EBF2: variants seen among roughly 807,000 people sequenced by gnomAD.
EBF2 encodes the protein EBF transcription factor 2, also known as transcription factor COE2.
EBF2 carries 21 observed loss-of-function variants against 72.8 expected under a neutral mutation model. That is an observed-to-expected ratio of 0.29 (90% CI 0.20 to 0.42). EBF2 has a LOEUF of 0.42. Ranked by LOEUF, EBF2 falls within the 10% of genes least tolerant of loss-of-function variation. The probability of loss-of-function intolerance (pLI) is 1.00; values close to 1 mark genes in which losing one functional copy is unlikely to be tolerated. For synonymous variants in EBF2, 299 were observed against 274.2 expected (o/e 1.09, Z -0.89); for missense variants, 637 against 731.2 (o/e 0.87, Z 1.49).
chr8:25,954,842 G>A (rs982912898), intron 6 of EBF2, among the ~76,000 whole-genome samples: 11 of 152,218 alleles, frequency 7.2e-5, no homozygotes, highest in African/African-American at 2.2e-4. Flanking sequence ...TGGATACTCA[G>A]TGCACTTTTA....
chr8:26,044,797 C>T lies in EBF2; in HGVS notation c.63G>A (p.Ala21=). Reference sequence around the variant, plus strand: ...CCCAGGACCTGACCGAATCCATCTCCGCGCCCAGCGATTTCTCTTTCAGAG... The same window carrying T: ...CCCAGGACCTGACCGAATCCATCTCTGCGCCCAGCGATTTCTCTTTCAGAG... The part of the protein sequence containing the change: ...GPTLKEKSLG[A]EMDSVRSWVR... The change falls in exon 1 of 16, where the codon GCG becomes GCA. Residue 21 remains alanine, a synonymous_variant. Coordinates refer to ENST00000520164, the MANE Select transcript of EBF2 (RefSeq NM_022659.4). The surrounding 1 kb of genome is among the most constrained non-coding windows in gnomAD (Gnocchi z 4.1). 1.9e-6 allele frequency: 3 copies of T among 1,614,136 alleles called. No homozygotes were observed. Among genetic ancestry groups the T allele is most frequent in the Non-Finnish European group, 2.5e-6 (3 of 1,180,038 alleles).
In EBF2 at chr8:25,983,461, CCTT is replaced by C. The variant is rs10565417; in HGVS notation, c.551+49621_551+49623del. 4.1e-3 allele frequency among the ~76,000 whole-genome samples: 626 copies of C among 152,250 alleles called. 5 individuals carry two copies. Among genetic ancestry groups the C allele is most frequent in the African/African-American group, 0.014 (596 of 41,536 alleles). On this transcript the variant is annotated intron_variant, in intron 6 of 15. Transcript: ENST00000520164. The stretch of plus-strand genomic sequence containing the variant: ...TTTCGTTTTATAATTTAAAAGAAAA[CCTT>C]AAACAGAAGTTCTCTGACTCCAGGC...
Position 26,044,652 on chromosome 8 carries a change from G to A in EBF2, c.131+77C>T. Reference sequence around the variant, plus strand: ...ACAGGGAGAGAGAAAGGCACGGGGTGCGCGGGGGGGGTGCACACGGAGAGA... The same window carrying A: ...ACAGGGAGAGAGAAAGGCACGGGGTACGCGGGGGGGGTGCACACGGAGAGA... On this transcript the variant is annotated intron_variant, in intron 1 of 15. Transcript: ENST00000520164. The surrounding 1 kb of genome is among the most constrained non-coding windows in gnomAD (Gnocchi z 4.1). 3 of 1,533,172 alleles carry A rather than the reference G, an allele frequency of 2.0e-6. No homozygotes were observed. Among genetic ancestry groups the A allele is most frequent in the Non-Finnish European group, 2.6e-6 (3 of 1,138,224 alleles). 95.0% of individuals were successfully genotyped at this position (1,533,172 alleles called of 1,614,324 possible). A position where few individuals can be genotyped will look rare whatever the true frequency, so the allele number is the denominator to read the frequency against.
intron 6 of EBF2, among the ~76,000 whole-genome samples, chr8:25,956,492 G>T (rs1280900832): frequency 6.6e-6 from 1 of 152,084 alleles, no homozygotes; most frequent in Non-Finnish European, 1.5e-5. Flanking sequence ...TTGCAGAGTG[G>T]GAAGTCTGGG....
chr8:25,856,257 C>T (rs931725392), intron 14 of EBF2, among the ~76,000 whole-genome samples: 3 of 152,090 alleles, frequency 2.0e-5, no homozygotes, highest in Admixed American at 1.3e-4. Flanking sequence ...CAACTTCATT[C>T]ATACCTACAT....
In EBF2 at chr8:26,040,627, C is replaced by A; in HGVS notation, c.397G>T (p.Val133Phe). The A allele has an allele frequency of 6.4e-7, 1 of 1,553,344 alleles. No homozygotes were observed. The highest frequency in any genetic ancestry group is 1.2e-5 in the South Asian group (1 of 84,148). The change falls in exon 4 of 16, where the codon GTC becomes TTC. Residue 133 changes from valine (V) to phenylalanine (F), a missense_variant. Physicochemically the swap from Val to Phe is conservative, Grantham distance 50. This residue lies in a region of EBF2 where 204 missense variants were observed against 301.2 expected (regional missense o/e 0.68). Transcript: ENST00000520164. ...GGCCTCCGGCTCACCTGCTTGGTGACCGAGTCGATGAGCCTGACATAGAGG... is the reference window on the plus strand; with the variant it reads ...GGCCTCCGGCTCACCTGCTTGGTGAACGAGTCGATGAGCCTGACATAGAGG... ...QDLYVRLIDS[V>F]TKQPIAYEGQ...
At chr8:25,885,354 T>G (rs1802672242) in intron 10 of EBF2, among the ~76,000 whole-genome samples, 1 of 152,220 alleles carries the variant, frequency 6.6e-6, no homozygotes, top group Non-Finnish European at 1.5e-5. Context: ...CCAGAACTCT[T>G]TTTGTCTTGC....
intron 6 of EBF2, among the ~76,000 whole-genome samples, chr8:26,000,694 C>T (rs183395404): frequency 6.6e-5 from 10 of 152,288 alleles, no homozygotes; most frequent in Non-Finnish European, 1.2e-4. Context: ...CAAGGGATAA[C>T]GCATTAGTTA....
At chr8:25,877,890 C>G (rs1802549059) in intron 10 of EBF2, among the ~76,000 whole-genome samples, 1 of 152,238 alleles carries the variant, frequency 6.6e-6, no homozygotes, top group Admixed American at 6.5e-5. Context: ...AAACTCATTT[C>G]TTTGTTTAAA....
chr8:26,005,808 G>A (rs577110212), intron 6 of EBF2, among the ~76,000 whole-genome samples: 46 of 133,480 alleles, frequency 3.4e-4, no homozygotes, highest in East Asian at 2.8e-3. Flanking sequence ...TCCAGCATGA[G>A]CAACAGAGCA....
At chr8:25,868,631 C>T (rs1802375996) in intron 10 of EBF2, among the ~76,000 whole-genome samples, 1 of 152,086 alleles carries the variant, frequency 6.6e-6, no homozygotes, top group Admixed American at 6.6e-5. Context: ...CAGACATGCA[C>T]CACATGCCTA....
chr8:25,925,972 C>G (rs1246894486), intron 6 of EBF2, among the ~76,000 whole-genome samples: 1 of 152,144 alleles, frequency 6.6e-6, no homozygotes, highest in East Asian at 1.9e-4. Flanking sequence ...CTGATATGTG[C>G]AGGTACCAGC....
At chr8:26,016,958 T>A (rs1805120236) in intron 6 of EBF2, among the ~76,000 whole-genome samples, 1 of 152,122 alleles carries the variant, frequency 6.6e-6, no homozygotes, top group African/African-American at 2.4e-5. Context: ...TTATATTTTT[T>A]AAAAGGCAGA....
intron 7 of EBF2, among the ~76,000 whole-genome samples, chr8:25,898,441 A>G (rs564471537): frequency 6.7e-6 from 1 of 149,634 alleles, no homozygotes; most frequent in Admixed American, 6.6e-5. Flanking sequence ...TGAGAAATCC[A>G]GTGGCAATTA....
At chr8:25,885,614 T>G (rs1011026141) in intron 10 of EBF2, among the ~76,000 whole-genome samples, 2 of 152,180 alleles carry the variant, frequency 1.3e-5, no homozygotes, top group African/African-American at 4.8e-5. Flanking sequence ...GGGAGATAGT[T>G]GAATCATGAG....
At position 26,044,660 on chromosome 8, in the gene EBF2, G is replaced by C. The variant is rs536397868; in HGVS notation, c.131+69C>G. 3.2e-6 allele frequency: 5 copies of C among 1,562,726 alleles called. No individual in the cohort carries two copies. Among genetic ancestry groups the C allele is most frequent in the South Asian group, 2.3e-5 (2 of 85,244 alleles). On this transcript the variant is annotated intron_variant, in intron 1 of 15. Transcript: ENST00000520164. This position sits in a 1 kb window ranked among gnomAD's most constrained non-coding sequence, Gnocchi z 4.1. ...AGAGAAAGGCACGGGGTGCGCGGGG[G>C]GGGTGCACACGGAGAGACAGACCGT...
At chr8:25,940,171 A>G (rs566138803) in intron 6 of EBF2, among the ~76,000 whole-genome samples, 1 of 152,244 alleles carries the variant, frequency 6.6e-6, no homozygotes, top group East Asian at 1.9e-4. Flanking sequence ...AAAAAGAGAT[A>G]CGGGCAGCCC....
chr8:25,982,537 G>A (rs1297967402), intron 6 of EBF2, among the ~76,000 whole-genome samples: 1 of 152,186 alleles, frequency 6.6e-6, no homozygotes, highest in African/African-American at 2.4e-5. Context: ...TTTAATGTAA[G>A]ACTCCATGGG....
chr8:26,011,877 C>T (rs1451231621), intron 6 of EBF2, among the ~76,000 whole-genome samples: 1 of 152,014 alleles, frequency 6.6e-6, no homozygotes, highest in Non-Finnish European at 1.5e-5. Context: ...ATGGTGACAT[C>T]AATCATAAAT....
Sources: gnomAD v4.1 joint callset for allele counts (sites outside exome capture counted in the v4.1 genomes callset) on GRCh38, gnomAD v4.1.1 for gene constraint, gnomAD v4.1.1 regional missense constraint, Gnocchi (gnomAD v3.1) non-coding constraint, MANE v1.5 for transcripts, NCBI Gene and HGNC (gene_info 2026-07-23, HGNC 2026-07-21) for gene names.